IQCM: variants seen among roughly 807,000 people sequenced by gnomAD.
IQCM encodes IQ motif containing M.
IQCM carries 45 observed loss-of-function variants against 57.6 expected under a neutral mutation model. That is an observed-to-expected ratio of 0.78 (90% CI 0.62 to 1.00). IQCM has a LOEUF of 1.00. Ranked by LOEUF, IQCM falls within the 50% of genes least tolerant of loss-of-function variation. The pLI, the probability that IQCM is intolerant of heterozygous loss-of-function variation, is 0.00. For missense variants in IQCM, 468 were observed against 511.6 expected (o/e 0.91, Z 0.82); for synonymous variants, 148 against 158.9 (o/e 0.93, Z 0.51).
intron 7 of IQCM, among the ~76,000 whole-genome samples, chr4:149,644,535 T>A (rs987218251): frequency 3.2e-4 from 48 of 152,230 alleles, no homozygotes; most frequent in Non-Finnish European, 3.1e-4. Flanking sequence ...TGTTATATAC[T>A]CTTATCTTGA....
chr4:149,515,118 A>C (rs1185576813), intron 12 of IQCM, among the ~76,000 whole-genome samples: 1 of 133,530 alleles, frequency 7.5e-6, no homozygotes, highest in Non-Finnish European at 1.7e-5. Flanking sequence ...GCAGGCGCCC[A>C]TAGGTGAATC....
intron 13 of IQCM, among the ~76,000 whole-genome samples, chr4:149,383,988 A>C (rs56410810): frequency 0.15 from 23,253 of 152,098 alleles, 2,144 homozygotes; most frequent in South Asian, 0.33. Context: ...CATATCCTTT[A>C]TTAGATGTTC....
intron 9 of IQCM, among the ~76,000 whole-genome samples, chr4:149,582,092 G>A (rs1368363999): frequency 6.6e-6 from 1 of 150,704 alleles, no homozygotes; most frequent in East Asian, 2.0e-4. Flanking sequence ...CATTTTCCTT[G>A]CCACATGGAG....
intron 5 of IQCM, among the ~76,000 whole-genome samples, chr4:149,702,679 T>C (rs1326148860): frequency 1.3e-5 from 2 of 151,968 alleles, no homozygotes; most frequent in Non-Finnish European, 2.9e-5. Flanking sequence ...TGGAAACTCA[T>C]AGTGACATTT....
At chr4:149,605,762 C>T (rs982472860) in intron 8 of IQCM, among the ~76,000 whole-genome samples, 7 of 151,810 alleles carry the variant, frequency 4.6e-5, no homozygotes, top group Non-Finnish European at 7.4e-5. Context: ...CTGTAGTAGC[C>T]AAGGGAATGC....
At chr4:149,741,123 A>T (rs1316459172) in intron 3 of IQCM, among the ~76,000 whole-genome samples, 1 of 152,170 alleles carries the variant, frequency 6.6e-6, no homozygotes, top group African/African-American at 2.4e-5. Context: ...TCTGGTTATC[A>T]TCTCCTAAAA....
chr4:149,382,993 A>C (rs1259116015), intron 13 of IQCM, among the ~76,000 whole-genome samples: 2 of 85,870 alleles, frequency 2.3e-5, no homozygotes, highest in Non-Finnish European at 4.6e-5. Context: ...ATTCTTCAGC[A>C]AAAAAAAAAA....
At chr4:149,677,632 A>G (rs964774783) in intron 7 of IQCM, among the ~76,000 whole-genome samples, 2 of 152,070 alleles carry the variant, frequency 1.3e-5, no homozygotes, top group African/African-American at 4.8e-5. Context: ...ATGTACATCC[A>G]CAAGTAACAA....
intron 2 of IQCM, among the ~76,000 whole-genome samples, chr4:149,812,073 C>T (rs1173509229): frequency 2.0e-5 from 3 of 152,160 alleles, no homozygotes; most frequent in Non-Finnish European, 2.9e-5. Context: ...GACTGAAATG[C>T]CCTTTTCCAG....
At chr4:149,387,384 G>A (rs1731499504) in intron 13 of IQCM, among the ~76,000 whole-genome samples, 1 of 152,000 alleles carries the variant, frequency 6.6e-6, no homozygotes, top group Admixed American at 6.6e-5. Flanking sequence ...GATCATAGCA[G>A]GTGGTGACAA....
intron 13 of IQCM, among the ~76,000 whole-genome samples, chr4:149,410,924 G>A (rs1363213526): frequency 3.9e-5 from 6 of 152,126 alleles, no homozygotes; most frequent in African/African-American, 1.4e-4. Flanking sequence ...GTATAATATT[G>A]TGGTGAACAA....
At chr4:149,498,059 C>G (rs1324752831) in intron 12 of IQCM, among the ~76,000 whole-genome samples, 1 of 152,118 alleles carries the variant, frequency 6.6e-6, no homozygotes, top group Non-Finnish European at 1.5e-5. Context: ...AGAACTGGCC[C>G]TACCACCATT....
intron 7 of IQCM, among the ~76,000 whole-genome samples, chr4:149,644,557 G>A (rs553156573): frequency 1.1e-4 from 17 of 151,998 alleles, no homozygotes; most frequent in South Asian, 4.2e-4. Flanking sequence ...TGCATTTTCC[G>A]CAATTTATAT....
At chr4:149,486,815 C>G (rs764181537) in intron 12 of IQCM, among the ~76,000 whole-genome samples, 3 of 152,056 alleles carry the variant, frequency 2.0e-5, no homozygotes, top group Admixed American at 6.6e-5. Context: ...CAGGCCTGGG[C>G]TCACCCTTCA....
chr4:149,632,473 T>G (rs940692681), intron 7 of IQCM, among the ~76,000 whole-genome samples: 2 of 152,206 alleles, frequency 1.3e-5, no homozygotes, highest in African/African-American at 4.8e-5. Flanking sequence ...TAAAAAAGAT[T>G]ATTAATTTTG....
chr4:149,683,864 G>A (rs1242958864), intron 6 of IQCM, among the ~76,000 whole-genome samples: 1 of 151,156 alleles, frequency 6.6e-6, no homozygotes, highest in Non-Finnish European at 1.5e-5. Flanking sequence ...TGCCAGGAGG[G>A]ATTCTATCAT....
At chr4:149,423,791 AC>A (rs1353282978) in intron 13 of IQCM, among the ~76,000 whole-genome samples, 5 of 152,002 alleles carry the variant, frequency 3.3e-5, no homozygotes, top group Non-Finnish European at 2.9e-5. Flanking sequence ...GAATACAGAC[AC>A]TTAATAAATA....
chr4:149,665,036 G>A (rs1760584424), intron 7 of IQCM, among the ~76,000 whole-genome samples: 1 of 152,140 alleles, frequency 6.6e-6, no homozygotes, highest in Non-Finnish European at 1.5e-5. Flanking sequence ...CTAGGCTCTG[G>A]GCAGTCAGAA....
intron 13 of IQCM, among the ~76,000 whole-genome samples, chr4:149,413,386 A>T (rs1389607352): frequency 2.0e-5 from 3 of 152,176 alleles, no homozygotes; most frequent in Non-Finnish European, 4.4e-5. Flanking sequence ...AGATAATGGG[A>T]ACCTCAGCTA....
Sources: gnomAD v4.1 joint callset for allele counts (sites outside exome capture counted in the v4.1 genomes callset) on GRCh38, gnomAD v4.1.1 for gene constraint, MANE v1.5 for transcripts, NCBI Gene and HGNC (gene_info 2026-07-23, HGNC 2026-07-21) for gene names.